Variants in FBXW7 observed in about 807,000 individuals in gnomAD.
FBXW7 encodes the protein F-box/WD repeat-containing protein 7.
FBXW7 carries 11 observed loss-of-function variants against 86.3 expected under a neutral mutation model. That is an observed-to-expected ratio of 0.13 (90% CI 0.08 to 0.21). The LOEUF (loss-of-function observed/expected upper bound fraction) is 0.21. FBXW7 is among the 10% of genes least tolerant of loss of function. The pLI is 1.00. For missense variants in FBXW7, 488 were observed against 847.4 expected (o/e 0.58, Z 5.27); for synonymous variants, 313 against 297.9 (o/e 1.05, Z -0.52).
intron 2 of FBXW7, among the ~76,000 whole-genome samples, chr4:152,479,013 T>C (rs1744650002): frequency 6.6e-6 from 1 of 152,072 alleles, no homozygotes; most frequent in Non-Finnish European, 1.5e-5. Flanking sequence ...AGAACTAAAA[T>C]AGGCTTAAAA....
chr4:152,462,194 C>T (rs763147098), intron 2 of FBXW7, among the ~76,000 whole-genome samples: 2 of 152,212 alleles, frequency 1.3e-5, no homozygotes, highest in Non-Finnish European at 2.9e-5. Context: ...GTGTGGCCTA[C>T]ATCCTCTGAT....
chr4:152,433,143 G>C (rs1560891471), intron 2 of FBXW7, among the ~76,000 whole-genome samples: 1 of 152,124 alleles, frequency 6.6e-6, no homozygotes, highest in Non-Finnish European at 1.5e-5. Context: ...TGAATGTTGG[G>C]GAGTTGTTTT....
chr4:152,476,865 T>C (rs552962235), intron 2 of FBXW7, among the ~76,000 whole-genome samples: 7 of 152,258 alleles, frequency 4.6e-5, no homozygotes, highest in South Asian at 2.1e-4. Context: ...ACAGCAATAG[T>C]GTTGGGAGAC....
chr4:152,350,521 CAT>C (rs1731705318), intron 4 of FBXW7, among the ~76,000 whole-genome samples: 1 of 151,542 alleles, frequency 6.6e-6, no homozygotes, highest in African/African-American at 2.4e-5. Flanking sequence ...TCTTTAAAAA[CAT>C]GTTTTTAATA....
intron 2 of FBXW7, among the ~76,000 whole-genome samples, chr4:152,515,847 T>G (rs976459068): frequency 6.6e-6 from 1 of 152,016 alleles, no homozygotes; most frequent in African/African-American, 2.4e-5. Flanking sequence ...ATACATAAAG[T>G]AAGAATTTGT....
chr4:152,444,973 G>GC (rs1328662194), intron 2 of FBXW7, among the ~76,000 whole-genome samples: 3 of 152,222 alleles, frequency 2.0e-5, no homozygotes, highest in Middle Eastern at 3.4e-3. Flanking sequence ...ACAGGCACAT[G>GC]CCACCACACC....
At chr4:152,499,775 CAACTCACTCTTA>C (rs1472527616) in intron 2 of FBXW7, among the ~76,000 whole-genome samples, 4 of 152,010 alleles carry the variant, frequency 2.6e-5, no homozygotes, top group Admixed American at 1.3e-4. Context: ...CCAGGCTGGC[CAACTCACTCTTA>C]TGGTAGTTCA....
intron 2 of FBXW7, among the ~76,000 whole-genome samples, chr4:152,418,248 T>C (rs1447404509): frequency 1.3e-5 from 2 of 151,260 alleles, no homozygotes; most frequent in Non-Finnish European, 2.9e-5. Flanking sequence ...CTACAGTCTG[T>C]TGAATACTTA....
At chr4:152,380,093 T>G (rs1460820517) in intron 4 of FBXW7, among the ~76,000 whole-genome samples, 2 of 152,110 alleles carry the variant, frequency 1.3e-5, no homozygotes, top group African/African-American at 4.8e-5. Flanking sequence ...GCTCATGACT[T>G]AGAAGGAAAA....
intron 2 of FBXW7, among the ~76,000 whole-genome samples, chr4:152,517,843 A>G (rs952236878): frequency 6.6e-6 from 1 of 152,194 alleles, no homozygotes; most frequent in African/African-American, 2.4e-5. Flanking sequence ...AGAGGATACT[A>G]ATGAGCCTTA....
chr4:152,496,999 G>A (rs1168781188), intron 2 of FBXW7, among the ~76,000 whole-genome samples: 1 of 152,144 alleles, frequency 6.6e-6, no homozygotes, highest in East Asian at 1.9e-4. Context: ...AACTCATGTA[G>A]TAAATCTGAA....
intron 2 of FBXW7, among the ~76,000 whole-genome samples, chr4:152,507,789 T>G (rs576102811): frequency 1.3e-5 from 2 of 152,008 alleles, no homozygotes; most frequent in African/African-American, 2.4e-5. Context: ...TGGTGGTCCA[T>G]GCCTATAATC....
At chr4:152,467,364 G>A (rs1239441464) in intron 2 of FBXW7, among the ~76,000 whole-genome samples, 1 of 152,106 alleles carries the variant, frequency 6.6e-6, no homozygotes, top group Non-Finnish European at 1.5e-5. Context: ...GATTCCTGAG[G>A]CCTCTCCAGC....
chr4:152,402,811 G>T (rs1342574397), intron 4 of FBXW7, among the ~76,000 whole-genome samples: 1 of 152,210 alleles, frequency 6.6e-6, no homozygotes, highest in Non-Finnish European at 1.5e-5. Context: ...CTTCTCCTAT[G>T]AAAAGAGCTG....
chr4:152,523,280 C>T (rs1428877054), intron 2 of FBXW7, among the ~76,000 whole-genome samples: 1 of 151,892 alleles, frequency 6.6e-6, no homozygotes, highest in African/African-American at 2.4e-5. Context: ...GACCTAAAAA[C>T]TTTCACAATT....
rs144788317 is a variant in FBXW7, at chr4:152,411,469, T to A, written c.335A>T (p.Asp112Val). The A allele has an allele frequency of 6.2e-7, 1 of 1,613,568 alleles. No homozygotes were observed. The highest frequency in any genetic ancestry group is 1.1e-5 in the South Asian group (1 of 90,992). The part of the protein sequence containing the change: ...EEHAGEQDEE[D>V]EEEEEMDQES... The stretch of plus-strand genomic sequence containing the variant: ...CTGGTCCATCTCCTCCTCCTCCTCA[T>A]CCTCCTCATCTTGTTCACCAGCATG... The change falls in exon 4 of 14, where the codon GAT becomes GTT. Residue 112 changes from aspartate to valine, a missense_variant. Around this residue, in one of 4 missense-constraint regions of FBXW7, gnomAD observed 230 missense variants for 240.0 expected, o/e 0.96. Transcript: ENST00000281708.
intron 2 of FBXW7, among the ~76,000 whole-genome samples, chr4:152,464,943 T>C (rs1743269326): frequency 6.6e-6 from 1 of 152,218 alleles, no homozygotes; most frequent in African/African-American, 2.4e-5. Flanking sequence ...GCAAAAACAG[T>C]ATTGGCAATT....
chr4:152,421,013 T>C (rs1315464674), intron 2 of FBXW7, among the ~76,000 whole-genome samples: 3 of 152,144 alleles, frequency 2.0e-5, no homozygotes, highest in South Asian at 4.1e-4. Flanking sequence ...CATCTTCCAA[T>C]AGAGTGCTGT....
chr4:152,467,938 T>C (rs551202639), intron 2 of FBXW7, among the ~76,000 whole-genome samples: 3 of 151,512 alleles, frequency 2.0e-5, no homozygotes, highest in Non-Finnish European at 4.4e-5. Context: ...CCAGAATATA[T>C]AAAGAATGTT....
Sources: allele counts gnomAD v4.1 joint callset (sites outside exome capture counted in the v4.1 genomes callset), GRCh38; gene constraint gnomAD v4.1.1; regional missense constraint gnomAD v4.1.1; transcripts MANE v1.5; gene names NCBI Gene and HGNC (gene_info 2026-07-23, HGNC 2026-07-21).